Variants in RBFOX3 observed in about 807,000 individuals in gnomAD.
RBFOX3 encodes RNA binding protein fox-1 homolog 3.
A neutral mutation model predicts 48.7 loss-of-function variants in RBFOX3; 17 were observed. The observed-to-expected ratio is 0.35, with a 90% confidence interval of 0.24 to 0.52. RBFOX3 has a LOEUF of 0.52. RBFOX3 is among the 20% of genes least tolerant of loss of function. The pLI, the probability that RBFOX3 is intolerant of heterozygous loss-of-function variation, is 0.94. For missense variants in RBFOX3, 382 were observed against 497.5 expected (o/e 0.77, Z 2.21); for synonymous variants, 212 against 209.5 (o/e 1.01, Z -0.10).
At chr17:79,292,800 C>T (rs890116110) in intron 3 of RBFOX3, among the ~76,000 whole-genome samples, 2 of 141,846 alleles carry the variant, frequency 1.4e-5, no homozygotes, top group Admixed American at 7.3e-5. Flanking sequence ...ATTTCACCAA[C>T]ATGAAACTGC....
chr17:79,455,627 G>A (rs1166644596), intron 2 of RBFOX3, among the ~76,000 whole-genome samples: 1 of 152,052 alleles, frequency 6.6e-6, no homozygotes, highest in African/African-American at 2.4e-5. Context: ...ATGCGCACAC[G>A]TTCAGAGGAA....
rs929996135 is a variant in RBFOX3 at position 79,299,517 on chromosome 17, A to G, written c.-74+8207T>C. Among the ~76,000 whole-genome samples, 5 of 152,216 alleles carry G rather than the reference A, an allele frequency of 3.3e-5. No individual in the cohort carries two copies. The highest frequency in any genetic ancestry group is 1.2e-4 in the African/African-American group (5 of 41,450). ...TACATTGTATGAGGCCTTGTGCGTC[A>G]CCTAGAGGTGATCTCCAGGGTACTG... On this transcript the variant is annotated intron_variant, in intron 3 of 14. Transcript: ENST00000693108. The surrounding 1 kb of genome is among the most constrained non-coding windows in gnomAD (Gnocchi z 4.5).
intron 2 of RBFOX3, among the ~76,000 whole-genome samples, chr17:79,340,558 T>G (rs1238608823): frequency 2.0e-5 from 3 of 152,118 alleles, no homozygotes; most frequent in African/African-American, 7.2e-5. Flanking sequence ...CTGCACATCC[T>G]GGTGTGTCTG....
chr17:79,093,830 GAC>G (rs2074546747), intron 14 of RBFOX3, among the ~76,000 whole-genome samples: 2 of 130,366 alleles, frequency 1.5e-5, no homozygotes, highest in Non-Finnish European at 3.6e-5. Context: ...CACACACAGA[GAC>G]ACGCCACGCC....
intron 3 of RBFOX3, among the ~76,000 whole-genome samples, chr17:79,293,174 T>A (rs1403756997): frequency 1.3e-5 from 2 of 152,174 alleles, no homozygotes; most frequent in Non-Finnish European, 2.9e-5. Flanking sequence ...ACAGAGCACA[T>A]CTCATTATCT....
At chr17:79,467,765 G>C (rs2149343350) in intron 2 of RBFOX3, among the ~76,000 whole-genome samples, 1 of 152,250 alleles carries the variant, frequency 6.6e-6, no homozygotes, top group South Asian at 2.1e-4. Context: ...GGATCACTAT[G>C]GTCTTTGTTC....
chr17:79,581,180 G>GGAGCTT (rs1449544590), intron 1 of RBFOX3, among the ~76,000 whole-genome samples: 17 of 152,282 alleles, frequency 1.1e-4, no homozygotes, highest in African/African-American at 4.1e-4. Context: ...CCCAGGAGAT[G>GGAGCTT]GAGCTTGCAG....
chr17:79,338,297 A>G (rs917629320), intron 2 of RBFOX3, among the ~76,000 whole-genome samples: 9 of 151,898 alleles, frequency 5.9e-5, no homozygotes, highest in African/African-American at 2.2e-4. Context: ...GATCCTTCCA[A>G]TTGTCACCTG....
intron 4 of RBFOX3, among the ~76,000 whole-genome samples, chr17:79,151,284 G>C (rs1257712588): frequency 1.3e-5 from 2 of 150,224 alleles, no homozygotes; most frequent in Non-Finnish European, 3.0e-5. Context: ...CCAGTGCCGG[G>C]GCTGAAGGGA....
At chr17:79,486,229 A>G (rs1254322103) in intron 1 of RBFOX3, among the ~76,000 whole-genome samples, 1 of 148,948 alleles carries the variant, frequency 6.7e-6, no homozygotes, top group Non-Finnish European at 1.5e-5. Context: ...CTCAGGGCGC[A>G]GTGGCAGGGA....
At chr17:79,107,144 C>T (rs2077537465) in intron 5 of RBFOX3, among the ~76,000 whole-genome samples, 1 of 152,234 alleles carries the variant, frequency 6.6e-6, no homozygotes, top group South Asian at 2.1e-4. Flanking sequence ...GCCCCACTGA[C>T]ATCTCAAGGC....
intron 2 of RBFOX3, among the ~76,000 whole-genome samples, chr17:79,455,131 C>T (rs2074254257): frequency 6.6e-6 from 1 of 152,174 alleles, no homozygotes; most frequent in African/African-American, 2.4e-5. Context: ...GGCAGCATCC[C>T]CCTCCATGGG....
At chr17:79,176,099 G>A (rs992397746) in intron 4 of RBFOX3, among the ~76,000 whole-genome samples, 3 of 152,200 alleles carry the variant, frequency 2.0e-5, no homozygotes. Context: ...TGGCCCAAAC[G>A]GCAGCTCCAG....
chr17:79,164,618 C>T (rs771561443), intron 4 of RBFOX3, among the ~76,000 whole-genome samples: 10 of 152,198 alleles, frequency 6.6e-5, no homozygotes, highest in Non-Finnish European at 1.5e-4. Context: ...GGCCACAGCA[C>T]GGCGGAGCAA....
At chr17:79,478,435 C>T (rs1171289240) in intron 2 of RBFOX3, among the ~76,000 whole-genome samples, 1 of 152,252 alleles carries the variant, frequency 6.6e-6, no homozygotes, top group African/African-American at 2.4e-5. Flanking sequence ...CACTCAGCCC[C>T]ATGGCATGCG....
chr17:79,306,757 T>C (rs1181752494), intron 3 of RBFOX3, among the ~76,000 whole-genome samples: 1 of 152,170 alleles, frequency 6.6e-6, no homozygotes, highest in Non-Finnish European at 1.5e-5. Flanking sequence ...GCCAACCTCC[T>C]AGGCCTCCCG....
chr17:79,322,244 A>G (rs554111151), intron 2 of RBFOX3, among the ~76,000 whole-genome samples: 232 of 126,814 alleles, frequency 1.8e-3, no homozygotes, highest in Admixed American at 5.0e-3. Flanking sequence ...GAAGAGGGGC[A>G]CCTCAGGAAA....
At chr17:79,470,032 G>A (rs1305960629) in intron 2 of RBFOX3, among the ~76,000 whole-genome samples, 2 of 152,158 alleles carry the variant, frequency 1.3e-5, no homozygotes, top group African/African-American at 2.4e-5. Flanking sequence ...AGGGTCGTAG[G>A]CACGTGTGGG....
chr17:79,152,238 C>A (rs1209204284), intron 4 of RBFOX3, among the ~76,000 whole-genome samples: 1 of 152,132 alleles, frequency 6.6e-6, no homozygotes, highest in Non-Finnish European at 1.5e-5. Flanking sequence ...CCCAGCTGCT[C>A]TCTAGCACCT....
Sources: gnomAD v4.1 joint callset for allele counts (sites outside exome capture counted in the v4.1 genomes callset) on GRCh38, gnomAD v4.1.1 for gene constraint, Gnocchi (gnomAD v3.1) non-coding constraint, MANE v1.5 for transcripts, NCBI Gene and HGNC (gene_info 2026-07-23, HGNC 2026-07-21) for gene names.